Variants in ELOVL5 observed in about 807,000 individuals in gnomAD.
The protein encoded by ELOVL5 is very long chain fatty acid elongase 5.
Under a neutral mutation model 38.6 loss-of-function variants are expected in ELOVL5, and 8 were observed. The ratio of observed to expected loss-of-function variants is 0.21; its 90% CI spans 0.12 to 0.37. The LOEUF (loss-of-function observed/expected upper bound fraction) is 0.37. Ranked by LOEUF, ELOVL5 falls within the 10% of genes least tolerant of loss-of-function variation. The pLI is 1.00. For synonymous variants in ELOVL5, 127 were observed against 133.7 expected, an observed-to-expected ratio of 0.95 and a Z score of 0.34; for missense variants, 280 against 367.8, an observed-to-expected ratio of 0.76 and a Z score of 1.95.
chr6:53,281,693 T>C (rs1766365561), intron 3 of ELOVL5, among the ~76,000 whole-genome samples: 2 of 152,164 alleles, frequency 1.3e-5, no homozygotes, highest in South Asian at 2.1e-4. Flanking sequence ...TAGGGTTTAG[T>C]TGGCCAATTT....
At chr6:53,308,156 A>T (rs1389878884) in intron 1 of ELOVL5, among the ~76,000 whole-genome samples, 2 of 152,304 alleles carry the variant, frequency 1.3e-5, no homozygotes, top group East Asian at 1.9e-4. Flanking sequence ...TTGGTAACAG[A>T]GTTCTTTAAG....
chr6:53,324,422 T>C lies in ELOVL5; in HGVS notation c.-9+24395A>G, dbSNP rs188104399. Among the ~76,000 whole-genome samples, 40 of 152,044 alleles carry C rather than the reference T, an allele frequency of 2.6e-4. 1 individual carries two copies. Among genetic ancestry groups the C allele is most frequent in the Admixed American group, 2.1e-3 (32 of 15,280 alleles). On this transcript the variant is annotated intron_variant, in intron 1 of 7. Transcript: ENST00000304434. ...CAGGCACAGTGGCTCACAGCTGTAA[T>C]CCCAACACTTTGGGAGGCCAAGACA...
chr6:53,342,837 C>T (rs1436364007), intron 1 of ELOVL5, among the ~76,000 whole-genome samples: 1 of 152,172 alleles, frequency 6.6e-6, no homozygotes, highest in African/African-American at 2.4e-5. Flanking sequence ...AACTGTACTT[C>T]ACACAGAACT....
At chr6:53,324,583 G>A (rs1282259086) in intron 1 of ELOVL5, among the ~76,000 whole-genome samples, 4 of 149,108 alleles carry the variant, frequency 2.7e-5, no homozygotes, top group Non-Finnish European at 4.4e-5. Flanking sequence ...GGCTGAGGCA[G>A]GAGGATGGCT....
At chr6:53,313,933 C>T (rs574823932) in intron 1 of ELOVL5, among the ~76,000 whole-genome samples, 29 of 152,294 alleles carry the variant, frequency 1.9e-4, no homozygotes, top group African/African-American at 6.7e-4. Context: ...CTGTTCAACC[C>T]CCACAGCTCT....
At chr6:53,270,516 G>A in intron 7 of ELOVL5, 77 bp downstream of exon 7, 1 of 1,509,172 alleles carries the variant, frequency 6.6e-7, no homozygotes, top group Non-Finnish European at 9.1e-7. Context: ...GGCTCCACAT[G>A]CCCATTAAGT....
chr6:53,292,983 G>A (rs1766832558), intron 2 of ELOVL5, among the ~76,000 whole-genome samples: 1 of 152,140 alleles, frequency 6.6e-6, no homozygotes, highest in Non-Finnish European at 1.5e-5. Flanking sequence ...CAGGGAGGAG[G>A]GAGAGGGAAA....
chr6:53,288,449 CA>C (rs1174947961), intron 3 of ELOVL5, among the ~76,000 whole-genome samples: 1 of 151,930 alleles, frequency 6.6e-6, no homozygotes, highest in Admixed American at 6.6e-5. Flanking sequence ...CCCTAATAAG[CA>C]AAAGCAAAAA....
At chr6:53,287,984 G>C (rs1766637781) in intron 3 of ELOVL5, 7 of 1,471,578 alleles carry the variant, frequency 4.8e-6, no homozygotes, top group African/African-American at 1.4e-5. Flanking sequence ...TAGGGTCTAA[G>C]AGGTCTGAGG....
At chr6:53,283,522 G>A (rs577611631) in intron 3 of ELOVL5, among the ~76,000 whole-genome samples, 1 of 152,268 alleles carries the variant, frequency 6.6e-6, no homozygotes, top group East Asian at 1.9e-4. Context: ...GGAGATCACT[G>A]TCATCTAATC....
chr6:53,338,843 CAATT>C (rs2127594096), intron 1 of ELOVL5, among the ~76,000 whole-genome samples: 1 of 152,334 alleles, frequency 6.6e-6, no homozygotes, highest in East Asian at 1.9e-4. Flanking sequence ...AGGAAATTAT[CAATT>C]GAGTTCTCCA....
At chr6:53,322,979 T>C (rs911187872) in intron 1 of ELOVL5, among the ~76,000 whole-genome samples, 1 of 152,178 alleles carries the variant, frequency 6.6e-6, no homozygotes, top group African/African-American at 2.4e-5. Flanking sequence ...GTAGCTAACA[T>C]TGAACACTTA....
Position 53,318,816 on chromosome 6 carries a change from C to CT in ELOVL5, c.-8-23110dup, listed in dbSNP as rs573420627. Among the ~76,000 whole-genome samples the CT allele has an allele frequency of 3.4e-4, 51 of 152,178 alleles. 1 individual carries two copies. Among genetic ancestry groups the CT allele is most frequent in the Admixed American group, 1.6e-3 (24 of 15,292 alleles). On this transcript the variant is annotated intron_variant, in intron 1 of 7. Transcript: ENST00000304434. ...TTTCAACACTAAAGCAGTCATTTTC[C>CT]TTTTTTTCAACTTTAATAGTATATT...
rs753934331 is a variant in ELOVL5, at chr6:53,269,096, AC to A, written c.*30del. ...CTCATATTGTGCTTACAATCAGATG[AC>A]GTGGTTTGGAGGGTTTCAATTCTTT... On this transcript the variant is annotated 3_prime_UTR_variant, in exon 8 of 8. Transcript: ENST00000304434. 1 of 1,608,790 alleles carries A rather than the reference AC, an allele frequency of 6.2e-7. No individual in the cohort carries two copies. The highest frequency in any genetic ancestry group is 1.3e-5 in the African/African-American group (1 of 74,836).
At chr6:53,334,908 G>A (rs886621183) in intron 1 of ELOVL5, among the ~76,000 whole-genome samples, 1 of 152,128 alleles carries the variant, frequency 6.6e-6, no homozygotes, top group Non-Finnish European at 1.5e-5. Context: ...ACAATGCCCT[G>A]TTCTCCCAAA....
At chr6:53,274,011 A>C (rs1395670537) in intron 5 of ELOVL5, among the ~76,000 whole-genome samples, 1 of 152,250 alleles carries the variant, frequency 6.6e-6, no homozygotes, top group Non-Finnish European at 1.5e-5. Flanking sequence ...GCAGGTGCAC[A>C]GCCTGGTGTT....
At chr6:53,326,577 G>A (rs753304194) in intron 1 of ELOVL5, among the ~76,000 whole-genome samples, 2 of 152,078 alleles carry the variant, frequency 1.3e-5, no homozygotes, top group Non-Finnish European at 2.9e-5. Flanking sequence ...CCCTCTATCT[G>A]TGCACACCAG....
chr6:53,295,779 G>A (rs1766971311), intron 1 of ELOVL5, 72 bp from the exon 2 acceptor site: 2 of 956,366 alleles, frequency 2.1e-6, no homozygotes, highest in South Asian at 3.3e-5. Context: ...TTTCATAAAA[G>A]AATAAATTCT....
intron 1 of ELOVL5, among the ~76,000 whole-genome samples, chr6:53,338,869 G>T (rs1488894440): frequency 6.6e-6 from 1 of 152,132 alleles, no homozygotes; most frequent in African/African-American, 2.4e-5. Context: ...CCTAATTTGT[G>T]CAAAGTATAC....
Sources: gnomAD v4.1 joint callset for allele counts (sites outside exome capture counted in the v4.1 genomes callset) on GRCh38, gnomAD v4.1.1 for gene constraint, MANE v1.5 for transcripts, NCBI Gene and HGNC (gene_info 2026-07-23, HGNC 2026-07-21) for gene names.